ABCA13: variants seen among roughly 807,000 people sequenced by gnomAD.
ABCA13 encodes the protein ATP-binding cassette sub-family A member 13.
A neutral mutation model predicts 478.7 loss-of-function variants in ABCA13; 476 were observed. That is an observed-to-expected ratio of 0.99 (90% confidence interval 0.92 to 1.07). ABCA13 has a LOEUF of 1.07. ABCA13 is among the 50% of genes least tolerant of loss of function. ABCA13 has a pLI of 0.00. For missense variants in ABCA13, 6,060 were observed against 5,910.6 expected (o/e 1.03, Z -0.83); for synonymous variants, 2,252 against 2,158.9 (o/e 1.04, Z -1.20).
chr7:48,313,979 GTGTA>G (rs757170431), intron 25 of ABCA13, among the ~76,000 whole-genome samples: 1,030 of 94,322 alleles, frequency 0.011, 7 homozygotes, highest in East Asian at 0.033. Context: ...ATGTGTGTGT[GTGTA>G]TGTGTGTGTG....
intron 7 of ABCA13, among the ~76,000 whole-genome samples, chr7:48,230,223 A>G (rs7779575): frequency 0.34 from 51,376 of 152,102 alleles, 9,206 homozygotes; most frequent in Non-Finnish European, 0.39. Flanking sequence ...TGATTTTAAA[A>G]TTCTTTGACT....
At chr7:48,230,456 A>G (rs1234334540) in intron 7 of ABCA13, among the ~76,000 whole-genome samples, 1 of 152,172 alleles carries the variant, frequency 6.6e-6, no homozygotes, top group African/African-American at 2.4e-5. Context: ...TATTTCCTGA[A>G]TTACCAACTG....
At position 48,645,661 on chromosome 7, in the gene ABCA13, T is replaced by A. The variant is rs1795397503; in HGVS notation, c.*149T>A. 1 of 681,830 alleles carries A rather than the reference T, an allele frequency of 1.5e-6. No homozygotes were observed. The highest frequency in any genetic ancestry group is 3.3e-5 in the Admixed American group (1 of 30,634). The allele number at this position is 681,830 out of a possible 1,614,324, so 42.2% of individuals were successfully genotyped here. A position where few individuals can be genotyped will look rare whatever the true frequency, so the allele number is the denominator to read the frequency against. On this transcript the variant is annotated 3_prime_UTR_variant, in exon 62 of 62. Coordinates refer to ENST00000435803, the MANE Select transcript of ABCA13 (RefSeq NM_152701.5). ...TCTTGTTCATTTTCTATTTTGAATC[T>A]CCTTGTTAGTTAATAACCACCAAAT...
intron 58 of ABCA13, chr7:48,611,986 G>A (rs1254612742): frequency 1.3e-5 from 2 of 152,122 alleles, no homozygotes; most frequent in African/African-American, 2.4e-5. Flanking sequence ...TTCATGCTAA[G>A]CAACTATAAC....
chr7:48,343,099 T>C (rs1404696682), intron 29 of ABCA13, among the ~76,000 whole-genome samples: 1 of 151,980 alleles, frequency 6.6e-6, no homozygotes, highest in Non-Finnish European at 1.5e-5. Flanking sequence ...ATTTTTCTCT[T>C]GCTTTTTTTT....
At chr7:48,201,476 C>T (rs1798706483) in intron 3 of ABCA13, among the ~76,000 whole-genome samples, 3 of 152,208 alleles carry the variant, frequency 2.0e-5, no homozygotes, top group Non-Finnish European at 4.4e-5. Flanking sequence ...CATCCCAGCA[C>T]TTTGGGAGGC....
chr7:48,309,461 A>AT (rs1801429524), intron 23 of ABCA13, among the ~76,000 whole-genome samples: 1 of 152,206 alleles, frequency 6.6e-6, no homozygotes, highest in Non-Finnish European at 1.5e-5. Flanking sequence ...GCTTTAAAAA[A>AT]ATATATAACA....
At chr7:48,331,571 T>C (rs1315526805) in intron 27 of ABCA13, among the ~76,000 whole-genome samples, 1 of 152,246 alleles carries the variant, frequency 6.6e-6, no homozygotes, top group Non-Finnish European at 1.5e-5. Flanking sequence ...AAATTAACTT[T>C]TTAATTTGGA....
In ABCA13 at chr7:48,335,534, A is replaced by T; in HGVS notation, c.10112A>T (p.Gln3371Leu). The T allele has an allele frequency of 6.2e-7, 1 of 1,612,990 alleles. No homozygotes were observed. The highest frequency in any genetic ancestry group is 8.5e-7 in the Non-Finnish European group (1 of 1,179,136). Residue 3371 changes from glutamine to leucine, a missense_variant and splice_region_variant, in exon 28 of 62, where the codon CAG becomes CTG. Gln to Leu is a moderately radical substitution (Grantham distance 113, BLOSUM62 -2). Coordinates refer to ENST00000435803, the MANE Select transcript of ABCA13 (RefSeq NM_152701.5). The part of the protein sequence containing the change: ...SGSGQMFNQL[Q>L]EALRNKFVRN... ...AGTGGCCAGATGTTCAACCAGCTGC[A>T]GGTGAGTGGTTGGTCTTTGCCACCG...
chr7:48,316,058 T>G (rs1802535837), intron 26 of ABCA13, among the ~76,000 whole-genome samples: 2 of 152,214 alleles, frequency 1.3e-5, no homozygotes, highest in South Asian at 4.1e-4. Context: ...GCTTAAAACC[T>G]TATAAGATTT....
chr7:48,454,590 G>C (rs923572543), intron 42 of ABCA13, among the ~76,000 whole-genome samples: 1 of 152,078 alleles, frequency 6.6e-6, no homozygotes, highest in African/African-American at 2.4e-5. Flanking sequence ...GAGGAGCGGG[G>C]GCGGGGTGCA....
intron 7 of ABCA13, among the ~76,000 whole-genome samples, chr7:48,231,367 G>A (rs1789050518): frequency 6.6e-6 from 1 of 152,150 alleles, no homozygotes; most frequent in Admixed American, 6.5e-5. Flanking sequence ...AGATGAGGGA[G>A]CATTTCCAGG....
chr7:48,394,651 A>G lies in ABCA13; in HGVS notation c.11873+2512A>G, dbSNP rs566331978. Among the ~76,000 whole-genome samples the G allele has an allele frequency of 1.2e-4, 19 of 152,200 alleles. No homozygotes were observed. The South Asian group carries it at 3.9e-3, about 32-fold the overall frequency. On this transcript the variant is annotated intron_variant, in intron 38 of 61. Transcript: ENST00000435803. The stretch of plus-strand genomic sequence containing the variant: ...TTTGGTTCACTATAGTATAATAAGC[A>G]TTCTTTGAGTTGAATAACTGGATTT...
In ABCA13 at chr7:48,177,493, G is replaced by T. The variant is rs1481876679; in HGVS notation, c.69+5941G>T. On this transcript the variant is annotated intron_variant, in intron 1 of 61. Coordinates refer to ENST00000435803, the MANE Select transcript of ABCA13 (RefSeq NM_152701.5). The stretch of plus-strand genomic sequence containing the variant: ...TCAGCAGCGGCCCACACCCAGGGGC[G>T]CTCCATACACAAACCCGCTCAGCTG... Among the ~76,000 whole-genome samples the T allele has an allele frequency of 2.0e-5, 3 of 152,182 alleles. No homozygotes were observed. The East Asian group carries it at 5.8e-4, about 29-fold the overall frequency.
intron 15 of ABCA13, among the ~76,000 whole-genome samples, chr7:48,255,991 T>C (rs549170965): frequency 7.2e-5 from 11 of 152,334 alleles, no homozygotes; most frequent in African/African-American, 2.4e-4. Context: ...GACTTTTTAA[T>C]GATAGCCATT....
chr7:48,277,901 T>G (rs2128768064), intron 17 of ABCA13, among the ~76,000 whole-genome samples, 193 bp from the exon 18 acceptor site: 1 of 152,296 alleles, frequency 6.6e-6, no homozygotes, highest in East Asian at 1.9e-4. Flanking sequence ...TTCCTCACTC[T>G]TTTCATTATT....
chr7:48,263,789 G>T (rs1247241518), intron 15 of ABCA13, among the ~76,000 whole-genome samples: 1 of 151,752 alleles, frequency 6.6e-6, no homozygotes, highest in Non-Finnish European at 1.5e-5. Context: ...TACATAGTAG[G>T]CATGTATATT....
At chr7:48,235,293 A>C (rs932142978) in intron 8 of ABCA13, among the ~76,000 whole-genome samples, 1 of 152,228 alleles carries the variant, frequency 6.6e-6, no homozygotes, top group African/African-American at 2.4e-5. Context: ...TGTAGATGGA[A>C]TATGAAACCC....
chr7:48,610,238 C>T (rs1388116756), intron 58 of ABCA13, among the ~76,000 whole-genome samples: 1 of 152,218 alleles, frequency 6.6e-6, no homozygotes, highest in East Asian at 1.9e-4. Flanking sequence ...AAGAAAGAGG[C>T]TACAGGCCCT....
Sources: allele counts gnomAD v4.1 joint callset (sites outside exome capture counted in the v4.1 genomes callset), GRCh38; gene constraint gnomAD v4.1.1; transcripts MANE v1.5; gene names NCBI Gene and HGNC (gene_info 2026-07-23, HGNC 2026-07-21).